Variants in C8orf34 observed in about 807,000 individuals in gnomAD.
The protein encoded by C8orf34 is uncharacterized protein C8orf34.
Under a neutral mutation model 68.3 loss-of-function variants are expected in C8orf34, and 65 were observed. The observed-to-expected ratio is 0.95, with a 90% CI of 0.78 to 1.17. C8orf34 has a LOEUF of 1.17. C8orf34 is among the 50% of genes most tolerant of loss of function. The pLI is 0.00. For missense variants in C8orf34, 664 were observed against 655.4 expected, an observed-to-expected ratio of 1.01 and a Z score of -0.14; for synonymous variants, 244 against 241.2, an observed-to-expected ratio of 1.01 and a Z score of -0.11.
rs113048273 is a variant in C8orf34 at position 68,671,854 on chromosome 8, G to C, written c.1241+31343G>C. ...CCTTTAACGAAAAGGGTTTCCTGAGGTTTGCAATTTAGGTAGATTAGTGCA... is the reference window on the plus strand; with the variant it reads ...CCTTTAACGAAAAGGGTTTCCTGAGCTTTGCAATTTAGGTAGATTAGTGCA... On this transcript the variant is annotated intron_variant, in intron 8 of 13. Transcript: ENST00000518698. Among the ~76,000 whole-genome samples, 130 of 152,148 alleles carry C rather than the reference G, an allele frequency of 8.5e-4. 1 individual carries two copies. Among genetic ancestry groups the C allele is most frequent in the African/African-American group, 3.0e-3 (126 of 41,514 alleles).
chr8:68,465,692 A>G (rs1202547439), intron 3 of C8orf34, among the ~76,000 whole-genome samples: 1 of 152,024 alleles, frequency 6.6e-6, no homozygotes, highest in Admixed American at 6.6e-5. Flanking sequence ...TCAGTAAACT[A>G]TCGCAAGGAC....
chr8:68,567,553 C>A (rs955072287), intron 7 of C8orf34, among the ~76,000 whole-genome samples: 20 of 66,080 alleles, frequency 3.0e-4, no homozygotes, highest in African/African-American at 8.1e-4. Flanking sequence ...TCAATTTTAT[C>A]TTTTCAAATT....
chr8:68,535,004 A>T, intron 7 of C8orf34: 1 of 985,434 alleles, frequency 1.0e-6, no homozygotes, highest in Non-Finnish European at 1.2e-6. Context: ...ATGTAATTCC[A>T]CATATCTCAG....
chr8:68,664,539 A>G (rs1673272904), intron 8 of C8orf34, among the ~76,000 whole-genome samples: 1 of 152,226 alleles, frequency 6.6e-6, no homozygotes, highest in African/African-American at 2.4e-5. Flanking sequence ...ACTTTATTAT[A>G]AAGTAGGCCT....
At position 68,740,479 on chromosome 8, in the gene C8orf34, GA is replaced by G. The variant is rs1010653005; in HGVS notation, c.1404+19050del. On this transcript the variant is annotated intron_variant, in intron 10 of 13. Coordinates refer to ENST00000518698, the MANE Select transcript of C8orf34 (RefSeq NM_052958.4). ...ACCTACATGCAGCCAATAAGCATAC[GA>G]AAAAAAAGCTCAATATGACTGATCA... 4.6e-5 allele frequency among the ~76,000 whole-genome samples: 7 copies of G among 151,862 alleles called. No homozygotes were observed. In the East Asian group the frequency reaches 1.4e-3, roughly 29 times the overall value.
At position 68,516,948 on chromosome 8, in the gene C8orf34, T is replaced by C. The variant is rs114974776; in HGVS notation, c.766-4851T>C. Among the ~76,000 whole-genome samples, 1,374 of 152,234 alleles carry C rather than the reference T, an allele frequency of 9.0e-3. 22 individuals are homozygous for C. Among genetic ancestry groups the C allele is most frequent in the African/African-American group, 0.031 (1,300 of 41,540 alleles). On this transcript the variant is annotated intron_variant, in intron 5 of 13. Transcript: ENST00000518698. ...AGCCACCACACCCTGCCTGCTTTTC[T>C]TATTAAAGTTACGCTGACTTGCTTA...
intron 5 of C8orf34, among the ~76,000 whole-genome samples, chr8:68,515,252 C>T (rs1814456859): frequency 6.6e-6 from 1 of 151,816 alleles, no homozygotes; most frequent in African/African-American, 2.4e-5. Flanking sequence ...GAGATCTGAC[C>T]TCACTTATTT....
chr8:68,745,397 A>G (rs1022950897), intron 10 of C8orf34, among the ~76,000 whole-genome samples: 1 of 152,188 alleles, frequency 6.6e-6, no homozygotes, highest in African/African-American at 2.4e-5. Flanking sequence ...TTACCTTTAA[A>G]TGTAAATGGA....
At chr8:68,815,709 A>G (rs541436555) in intron 12 of C8orf34, among the ~76,000 whole-genome samples, 177 bp from the exon 13 acceptor site, 1 of 152,338 alleles carries the variant, frequency 6.6e-6, no homozygotes, top group East Asian at 1.9e-4. Context: ...GAATGAAGAT[A>G]TACACACTTC....
intron 12 of C8orf34, among the ~76,000 whole-genome samples, chr8:68,792,871 G>A (rs1413619955): frequency 6.6e-6 from 1 of 151,900 alleles, no homozygotes; most frequent in Non-Finnish European, 1.5e-5. Context: ...TGATATGTGT[G>A]TGTATGAGTG....
At chr8:68,653,623 A>G (rs1476617769) in intron 8 of C8orf34, among the ~76,000 whole-genome samples, 2 of 152,126 alleles carry the variant, frequency 1.3e-5, no homozygotes, top group South Asian at 2.1e-4. Context: ...GCAGAATGCA[A>G]ACTTCTTTGT....
intron 8 of C8orf34, among the ~76,000 whole-genome samples, chr8:68,699,654 T>C (rs953973532): frequency 1.3e-5 from 2 of 152,130 alleles, no homozygotes; most frequent in Admixed American, 1.3e-4. Flanking sequence ...TTGACATTTT[T>C]ACATTTGAGT....
chr8:68,465,279 A>G (rs1812064351), intron 3 of C8orf34, among the ~76,000 whole-genome samples: 2 of 151,246 alleles, frequency 1.3e-5, no homozygotes, highest in Non-Finnish European at 2.9e-5. Flanking sequence ...TAGAATGGCA[A>G]TCATTAAAAA....
In C8orf34 at chr8:68,468,757, G is replaced by T. The variant is rs1812254894; in HGVS notation, c.673G>T (p.Glu225Ter). 10 of 1,612,644 alleles carry T rather than the reference G, an allele frequency of 6.2e-6. No individual in the cohort carries two copies. The highest frequency in any genetic ancestry group is 2.7e-5 in the African/African-American group (2 of 74,830). Residue 225 changes from glutamate (E) to a stop codon, truncating the protein, a stop_gained, in exon 4 of 14, where the codon GAA becomes TAA. Transcript: ENST00000518698. LOFTEE classifies it high-confidence loss of function. ...TAAACCACAAAGCCGTGATTTTGAT[G>T]AATTGAATCACATCCTTCAGGAGAG... is the stretch of plus-strand genomic sequence containing the variant. ...RTKPQSRDFDELNHILQESKK... is the reference protein window; with the variant it reads ...RTKPQSRDFD
intron 11 of C8orf34, among the ~76,000 whole-genome samples, chr8:68,779,104 G>A (rs1352905742): frequency 1.3e-5 from 2 of 151,748 alleles, no homozygotes; most frequent in African/African-American, 2.4e-5. Flanking sequence ...TTGAGCCCAG[G>A]AGTTTGAGTC....
intron 5 of C8orf34, among the ~76,000 whole-genome samples, chr8:68,516,735 G>T (rs1814536052): frequency 6.6e-6 from 1 of 152,086 alleles, no homozygotes; most frequent in Admixed American, 6.5e-5. Flanking sequence ...CCTCCTCCCA[G>T]ATTCAAGTGA....
chr8:68,789,880 T>C (rs1476320960), intron 12 of C8orf34, among the ~76,000 whole-genome samples: 2 of 152,206 alleles, frequency 1.3e-5, no homozygotes, highest in Admixed American at 1.3e-4. Context: ...TGCTAAATGG[T>C]CCATCAATCA....
At chr8:68,685,826 A>G (rs1409211897) in intron 8 of C8orf34, among the ~76,000 whole-genome samples, 1 of 151,850 alleles carries the variant, frequency 6.6e-6, no homozygotes, top group African/African-American at 2.4e-5. Context: ...GCAGTGAGCC[A>G]TGATCATGCC....
chr8:68,652,187 T>C (rs1819380033), intron 8 of C8orf34, among the ~76,000 whole-genome samples: 1 of 152,244 alleles, frequency 6.6e-6, no homozygotes, highest in Non-Finnish European at 1.5e-5. Flanking sequence ...CTTATTAGTT[T>C]ATTGACATTT....
Sources: gnomAD v4.1 joint callset for allele counts (sites outside exome capture counted in the v4.1 genomes callset) on GRCh38, gnomAD v4.1.1 for gene constraint, MANE v1.5 for transcripts, NCBI Gene and HGNC (gene_info 2026-07-23, HGNC 2026-07-21) for gene names.